The following HK1 variants were observed in gnomAD, a reference collection of about 807,000 sequenced individuals.
HK1 encodes hexokinase-1.
Under a neutral mutation model 91.6 loss-of-function variants are expected in HK1, and 28 were observed. The observed-to-expected ratio is 0.31, with a 90% CI of 0.23 to 0.42. The LOEUF (loss-of-function observed/expected upper bound fraction) is 0.42, where lower values mean the gene tolerates loss of function less well. Among genes scored for constraint, HK1 ranks in the 10% least tolerant of loss-of-function variants. The pLI is 1.00. For missense variants in HK1, 770 were observed against 1,219.8 expected (o/e 0.63, Z 5.49); for synonymous variants, 430 against 468.1 (o/e 0.92, Z 1.05).
intron 1 of HK1, among the ~76,000 whole-genome samples, chr10:69,325,020 AAATT>A (rs1215933233): frequency 5.9e-5 from 9 of 152,018 alleles, no homozygotes; most frequent in African/African-American, 1.4e-4. Flanking sequence ...GGTGGAGTCA[AAATT>A]AATTGTCACA....
intron 1 of HK1, among the ~76,000 whole-genome samples, chr10:69,327,595 T>C (rs1847457700): frequency 6.6e-6 from 1 of 152,170 alleles, no homozygotes; most frequent in Admixed American, 6.5e-5. Context: ...TACCTAGGGC[T>C]GAGATCACCA....
intron 3 of HK1, among the ~76,000 whole-genome samples, chr10:69,293,955 G>A (rs1475207605): frequency 1.4e-5 from 2 of 147,218 alleles, no homozygotes; most frequent in Admixed American, 7.0e-5. Context: ...TCCGCCTCCC[G>A]GGTTCACGCC....
intron 2 of HK1, among the ~76,000 whole-genome samples, chr10:69,344,816 G>A (rs978999034): frequency 6.7e-5 from 10 of 149,544 alleles, no homozygotes; most frequent in South Asian, 2.1e-4. Context: ...CCAGCGTGGC[G>A]CCCTCACAGG....
chr10:69,297,977 G>A (rs1845655006), intron 4 of HK1, among the ~76,000 whole-genome samples: 3 of 151,342 alleles, frequency 2.0e-5, no homozygotes, highest in South Asian at 2.1e-4. Context: ...TTGGGAGGCC[G>A]AGGCAGATGT....
intron 1 of HK1, among the ~76,000 whole-genome samples, chr10:69,321,345 T>A (rs954806586): frequency 2.6e-5 from 4 of 152,138 alleles, no homozygotes; most frequent in Non-Finnish European, 5.9e-5. Context: ...CCACATCTGC[T>A]CTTCTGGGGC....
chr10:69,373,165 AGCCATT>A (rs1850106233), intron 7 of HK1, among the ~76,000 whole-genome samples: 2 of 152,200 alleles, frequency 1.3e-5, no homozygotes, highest in Non-Finnish European at 2.9e-5. Context: ...CCCCGTGCCC[AGCCATT>A]AACCAGGTTT....
At chr10:69,343,561 A>C (rs900354217) in intron 1 of HK1, among the ~76,000 whole-genome samples, 2 of 152,190 alleles carry the variant, frequency 1.3e-5, no homozygotes, top group African/African-American at 4.8e-5. Flanking sequence ...TGGGGGTTGA[A>C]GAGCAGCTTC....
At chr10:69,332,267 A>G (rs6480401) in intron 1 of HK1, among the ~76,000 whole-genome samples, 143,622 of 152,160 alleles carry the variant, frequency 0.94, 67,930 homozygotes, top group Non-Finnish European at 0.97. Flanking sequence ...TGTGTAAGCC[A>G]CAGTTTCCTC....
At chr10:69,387,990 C>T (rs12771121) in intron 13 of HK1, among the ~76,000 whole-genome samples, 23,111 of 151,822 alleles carry the variant, frequency 0.15, 2,066 homozygotes, top group Non-Finnish European at 0.2. Context: ...AGACAGATAC[C>T]TGGGCACTAG....
At chr10:69,370,033 C>T (rs575527667) in intron 7 of HK1, among the ~76,000 whole-genome samples, 39 of 152,310 alleles carry the variant, frequency 2.6e-4, no homozygotes, top group Admixed American at 4.6e-4. Context: ...CCACCTAGCG[C>T]GGCCTAAAGC....
intron 2 of HK1, among the ~76,000 whole-genome samples, chr10:69,346,081 C>CGTGTTGTGCT (rs1162511455): frequency 2.2e-5 from 2 of 92,222 alleles, no homozygotes; most frequent in African/African-American, 4.2e-5. Context: ...CCTGCCCCTT[C>CGTGTTGTGCT]GTGTTGTGCC....
intron 5 of HK1, among the ~76,000 whole-genome samples, chr10:69,302,108 G>A (rs1429112215): frequency 4.6e-5 from 7 of 151,826 alleles, no homozygotes; most frequent in South Asian, 4.2e-4. Context: ...TTAGCCAGGC[G>A]TGGAGGTAGG....
intron 3 of HK1, among the ~76,000 whole-genome samples, chr10:69,294,000 T>C (rs1170104983): frequency 9.2e-5 from 14 of 151,578 alleles, no homozygotes; most frequent in Admixed American, 5.3e-4. Flanking sequence ...TAGCTGGGAC[T>C]ACAGGCGCCC....
chr10:69,359,194 A>C (rs1849293493), intron 2 of HK1, among the ~76,000 whole-genome samples: 1 of 152,214 alleles, frequency 6.6e-6, no homozygotes, highest in Non-Finnish European at 1.5e-5. Context: ...AAGTTCATAG[A>C]GACAGAGAGT....
intron 1 of HK1, among the ~76,000 whole-genome samples, chr10:69,322,758 C>T (rs59558572): frequency 0.014 from 2,104 of 151,688 alleles, 54 homozygotes; most frequent in African/African-American, 0.049. Flanking sequence ...GGTGTGGTGG[C>T]GCATGCCTGT....
intron 3 of HK1, among the ~76,000 whole-genome samples, chr10:69,363,991 A>T (rs1229242907): frequency 6.6e-6 from 1 of 152,236 alleles, no homozygotes; most frequent in Non-Finnish European, 1.5e-5. Context: ...CATGGTGTCG[A>T]GTGAAAGAAC....
chr10:69,327,248 C>G lies in HK1; in HGVS notation c.63+8238C>G, dbSNP rs190454249. On this transcript the variant is annotated intron_variant, in intron 1 of 17. Transcript: ENST00000359426. ...TCAAGTGATCCACCTGCCTAGGCCT[C>G]TTTCCAAAGTTCTGGGATTATAGGC... Among the ~76,000 whole-genome samples, 211 of 152,188 alleles carry G rather than the reference C, an allele frequency of 1.4e-3. 1 individual carries two copies. In the Middle Eastern group the frequency reaches 0.024, roughly 17 times the overall value.
At chr10:69,294,936 G>A (rs1845481749) in intron 3 of HK1, among the ~76,000 whole-genome samples, 2 of 149,688 alleles carry the variant, frequency 1.3e-5, no homozygotes, top group African/African-American at 4.9e-5. Context: ...GGGTGAGGTG[G>A]GAGGATTGCT....
chr10:69,318,160 A>G (rs571338587), upstream of HK1: 55 of 985,440 alleles, frequency 5.6e-5, no homozygotes, highest in African/African-American at 3.8e-4. Context: ...CTTTGGGTTC[A>G]GCAATACAAA....
Sources: gnomAD v4.1 joint callset for allele counts (sites outside exome capture counted in the v4.1 genomes callset) on GRCh38, gnomAD v4.1.1 for gene constraint, MANE v1.5 for transcripts, NCBI Gene and HGNC (gene_info 2026-07-23, HGNC 2026-07-21) for gene names.